DLG4: variants seen among roughly 807,000 people sequenced by gnomAD.
DLG4 encodes discs large MAGUK scaffold protein 4.
A neutral mutation model predicts 93.8 loss-of-function variants in DLG4; 7 were observed. The ratio of observed to expected loss-of-function variants is 0.07; its 90% CI spans 0.04 to 0.14. The LOEUF is 0.14. Ranked by LOEUF, DLG4 falls within the 10% of genes least tolerant of loss-of-function variation. The pLI is 1.00. For synonymous variants in DLG4, 341 were observed against 387.6 expected, an observed-to-expected ratio of 0.88 and a Z score of 1.41; for missense variants, 545 against 992.9, an observed-to-expected ratio of 0.55 and a Z score of 6.06.
At chr17:7,219,049 C>T (rs2071066459), upstream of DLG4, 1 of 634,130 alleles carries the variant, frequency 1.6e-6, no homozygotes, top group Non-Finnish European at 2.8e-6. Flanking sequence ...GCAGGCAGAA[C>T]CTAGCCACGC....
At position 7,196,907 on chromosome 17, in the gene DLG4, C is replaced by T. The variant is rs574062702; in HGVS notation, c.933G>A (p.Pro311=). 23 of 1,613,856 alleles carry T rather than the reference C, an allele frequency of 1.4e-5. No individual in the cohort carries two copies. The highest frequency in any genetic ancestry group is 4.5e-5 in the East Asian group (2 of 44,878). The change falls in exon 9 of 20, where the codon CCG becomes CCA. Residue 311 remains proline, a synonymous_variant. Transcript: ENST00000399506. The surrounding 1 kb of genome is among the most constrained non-coding windows in gnomAD (Gnocchi z 8.3). ...AGCCCCGGTGGATCACAATTCGCCT[C>T]GGTTCTCGGGGAATGTCTTCCTCCC... ...LLGEEDIPRE[P]RRIVIHRGST...
intron 8 of DLG4, among the ~76,000 whole-genome samples, chr17:7,199,290 C>T (rs1268605578): frequency 6.6e-6 from 1 of 151,938 alleles, no homozygotes; most frequent in Admixed American, 6.6e-5. Flanking sequence ...ACCTCTGCCT[C>T]CCAGGTTCAA....
upstream of DLG4, chr17:7,218,435 C>T (rs2071034783): frequency 7.2e-7 from 1 of 1,385,234 alleles, no homozygotes; most frequent in Non-Finnish European, 1.0e-6. Flanking sequence ...CAGGACCCTG[C>T]ATGGTGCTCC....
upstream of DLG4, chr17:7,218,520 C>G (rs370045627): frequency 1.7e-5 from 26 of 1,552,842 alleles, no homozygotes; most frequent in Middle Eastern, 1.7e-4. Context: ...GCCCAGGTCC[C>G]TCAGAAAACG....
At position 7,196,341 on chromosome 17, in the gene DLG4, A is replaced by T; in HGVS notation, c.1187-7T>A. The stretch of plus-strand genomic sequence containing the variant: ...GCCTCGAATCGGCTGTACTCTGAGG[A>T]AGGACAGGGAGGTTTCTGAGCTCTG... On this transcript the variant is annotated splice_polypyrimidine_tract_variant and splice_region_variant and intron_variant, in intron 10 of 19. Coordinates refer to ENST00000399506, the MANE Select transcript of DLG4 (RefSeq NM_001321075.3). The surrounding 1 kb of genome is among the most constrained non-coding windows in gnomAD (Gnocchi z 8.3). The T allele has an allele frequency of 6.2e-7, 1 of 1,613,772 alleles. No homozygotes were observed. The highest frequency in any genetic ancestry group is 8.5e-7 in the Non-Finnish European group (1 of 1,179,746).
intron 2 of DLG4, among the ~76,000 whole-genome samples, chr17:7,205,526 CCT>C (rs937985507): frequency 3.3e-5 from 5 of 152,144 alleles, no homozygotes; most frequent in Admixed American, 2.6e-4. Context: ...GGGTCCCTCC[CCT>C]CTCCTACTGC....
At chr17:7,210,268 G>A (rs1343612698) in intron 1 of DLG4, among the ~76,000 whole-genome samples, 2 of 152,178 alleles carry the variant, frequency 1.3e-5, no homozygotes, top group Non-Finnish European at 2.9e-5. Context: ...GTAAGAGAAT[G>A]GGAGAAGGGA....
Position 7,191,362 on chromosome 17 carries a change from T to C in DLG4, c.1977-4A>G. On this transcript the variant is annotated splice_polypyrimidine_tract_variant and splice_region_variant and intron_variant, in intron 18 of 19. Transcript: ENST00000399506. This position sits in a 1 kb window ranked among gnomAD's most constrained non-coding sequence, Gnocchi z 6.6. ...TGTGATCCGCTTGTTAATCTCTCTG[T>C]GAAGAGGGAGGGAGAGCAGGCCTGA... 6.2e-7 allele frequency: 1 copy of C among 1,613,566 alleles called. No individual in the cohort carries two copies. Among genetic ancestry groups the C allele is most frequent in the South Asian group, 1.1e-5 (1 of 91,072 alleles).
rs945303559 is a variant in DLG4, at chr17:7,195,610, A to C, written c.1301+610T>G. On this transcript the variant is annotated intron_variant, in intron 11 of 19. Transcript: ENST00000399506. This position sits in a 1 kb window ranked among gnomAD's most constrained non-coding sequence, Gnocchi z 4.3. ...AGTGCAGGTCTTGACCTCTGGAAAT[A>C]GGTCAGCCAGGGCCAGCACCTCCGA... Among the ~76,000 whole-genome samples, 3 of 152,156 alleles carry C rather than the reference A, an allele frequency of 2.0e-5. No individual in the cohort carries two copies. Among genetic ancestry groups the C allele is most frequent in the African/African-American group, 7.2e-5 (3 of 41,424 alleles).
chr17:7,204,413 ACACACGCACACGCGTGCACATG>A, intron 2 of DLG4, 161 bp from the exon 3 acceptor site: 1 of 647,700 alleles, frequency 1.5e-6, no homozygotes, highest in Non-Finnish European at 2.7e-6. Flanking sequence ...TCCACATCAC[ACACACGCACACGCGTGCACATG>A]CGCACGCGCA....
Position 7,193,564 on chromosome 17 carries a change from T to C in DLG4, c.1612A>G (p.Ile538Val), listed in dbSNP as rs375160490. Residue 538 changes from isoleucine (I) to valine (V), a missense_variant, in exon 16 of 20, where the codon ATC (isoleucine) becomes GTC (valine). Physicochemically the swap from Ile to Val is conservative, Grantham distance 29. Coordinates refer to ENST00000399506, the MANE Select transcript of DLG4 (RefSeq NM_001321075.3). This position sits in a 1 kb window ranked among gnomAD's most constrained non-coding sequence, Gnocchi z 6.7. ...CGGTCCTTGGTGGGCCCAAGGATGA[T>C]GATGGGGCGAGCATAGTGCACTGCA... is the stretch of plus-strand genomic sequence containing the variant. ...QMEVHYARPI[I>V]ILGPTKDRAN... 4 of 1,530,746 alleles carry C rather than the reference T, an allele frequency of 2.6e-6. No homozygotes were observed. Among genetic ancestry groups the C allele is most frequent in the Non-Finnish European group, 3.5e-6 (4 of 1,144,188 alleles). The allele number at this position is 1,530,746 out of a possible 1,614,324, so 94.8% of individuals were successfully genotyped here. A position where few individuals can be genotyped will look rare whatever the true frequency, so the allele number is the denominator to read the frequency against.
Position 7,194,484 on chromosome 17 carries a change from T to A in DLG4, c.1313A>T (p.Asp438Val), listed in dbSNP as rs779730425. 2 of 1,606,062 alleles carry A rather than the reference T, an allele frequency of 1.2e-6. No homozygotes were observed. Among genetic ancestry groups the A allele is most frequent in the Non-Finnish European group, 1.7e-6 (2 of 1,176,454 alleles). ...KRGFYIRALF[D>V]YDKTKDCGFL... ...GCCGCAGTCCTTGGTCTTGTCGTAA[T>A]CAAACAGGGCCCTGGAGGGCAAGTG... Residue 438 changes from aspartate to valine, a missense_variant, in exon 12 of 20, where the codon GAT (aspartate) becomes GTT (valine). By Grantham distance (152) the Asp-to-Val change is radical (BLOSUM62 -3). This residue lies in a region of DLG4 where 428 missense variants were observed against 741.4 expected (regional missense o/e 0.58). Coordinates refer to ENST00000399506, the MANE Select transcript of DLG4 (RefSeq NM_001321075.3). This position sits in a 1 kb window ranked among gnomAD's most constrained non-coding sequence, Gnocchi z 4.4.
chr17:7,218,498 T>C (rs1219407977), upstream of DLG4: 2 of 1,536,602 alleles, frequency 1.3e-6, no homozygotes, highest in Admixed American at 2.0e-5. Flanking sequence ...AGTTCAGTAA[T>C]GGCCCTTGGA....
chr17:7,203,266 T>C lies in DLG4; in HGVS notation c.569A>G (p.Tyr190Cys), dbSNP rs2070253586. The change falls in exon 7 of 20, where the codon TAT (tyrosine) becomes TGT (cysteine). Residue 190 changes from tyrosine (Y) to cysteine (C), a missense_variant. Around this residue, in one of 5 missense-constraint regions of DLG4, gnomAD observed 428 missense variants for 741.4 expected, o/e 0.58. Coordinates refer to ENST00000399506, the MANE Select transcript of DLG4 (RefSeq NM_001321075.3). The surrounding 1 kb of genome is among the most constrained non-coding windows in gnomAD (Gnocchi z 7.2). ...ACCCCCTTCGATGATCTTTGTTACA[T>C]AGATGCTATTATCTCCTGGGATGTG... The part of the protein sequence containing the change: ...NQHIPGDNSI[Y>C]VTKIIEGGAA... 1.9e-6 allele frequency: 3 copies of C among 1,610,996 alleles called. No individual in the cohort carries two copies. The highest frequency in any genetic ancestry group is 1.7e-6 in the Non-Finnish European group (2 of 1,177,526).
Position 7,196,763 on chromosome 17 carries a change from G to A in DLG4, c.1077C>T (p.Ile359=). 1 of 1,605,678 alleles carries A rather than the reference G, an allele frequency of 6.2e-7. No homozygotes were observed. The highest frequency in any genetic ancestry group is 1.1e-5 in the South Asian group (1 of 89,906). ...LSGELRKGDQ[I]LSVNGVDLRN... ...GGGGCAGGCCTTCCCTCACCGACAGGATCTGGTCCCCCTTCCGCAGCTCCC... is the reference window on the plus strand; with the variant it reads ...GGGGCAGGCCTTCCCTCACCGACAGAATCTGGTCCCCCTTCCGCAGCTCCC... The change falls in exon 9 of 20, where the codon ATC becomes ATT. Residue 359 remains isoleucine, a synonymous_variant. Transcript: ENST00000399506. This position sits in a 1 kb window ranked among gnomAD's most constrained non-coding sequence, Gnocchi z 8.3.
rs1040811385 is a variant in DLG4, at chr17:7,196,037, G to A, written c.1301+183C>T. ...TTGGGGCAGAGGCTATTTTCCCATC[G>A]ACAGGGAGTATTTCAAATGTTAACC... On this transcript the variant is annotated intron_variant, in intron 11 of 19. Transcript: ENST00000399506. The surrounding 1 kb of genome is among the most constrained non-coding windows in gnomAD (Gnocchi z 8.3). Among the ~76,000 whole-genome samples, 5 of 151,856 alleles carry A rather than the reference G, an allele frequency of 3.3e-5. No individual in the cohort carries two copies. The highest frequency in any genetic ancestry group is 4.8e-5 in the African/African-American group (2 of 41,412).
chr17:7,190,912 C>T (rs2069455775), intron 19 of DLG4, 98 bp from the exon 20 acceptor site: 2 of 914,582 alleles, frequency 2.2e-6, no homozygotes, highest in East Asian at 5.2e-5. Context: ...CACCTCTTTC[C>T]AACTCTCCAA....
rs1177439539 is a variant in DLG4, at chr17:7,204,003, C to T, written c.210+5G>A. 1 of 1,611,018 alleles carries T rather than the reference C, an allele frequency of 6.2e-7. No homozygotes were observed. Among genetic ancestry groups the T allele is most frequent in the African/African-American group, 1.3e-5 (1 of 74,844 alleles). On this transcript the variant is annotated splice_donor_5th_base_variant and intron_variant, in intron 4 of 19. Coordinates refer to ENST00000399506, the MANE Select transcript of DLG4 (RefSeq NM_001321075.3). ...CGGGGACTGCCGATGGAGGAGCCTG[C>T]TCACCCTTTCCAATGTGATTTCCTC...
At chr17:7,219,586 C>A, upstream of DLG4, 2 of 1,136,500 alleles carry the variant, frequency 1.8e-6, no homozygotes, top group Non-Finnish European at 2.2e-6. Context: ...CCTCTGCCAT[C>A]TACCTTACAC....
Sources: allele counts gnomAD v4.1 joint callset (sites outside exome capture counted in the v4.1 genomes callset), GRCh38; gene constraint gnomAD v4.1.1; regional missense constraint gnomAD v4.1.1; non-coding constraint Gnocchi (gnomAD v3.1); transcripts MANE v1.5; gene names NCBI Gene and HGNC (gene_info 2026-07-23, HGNC 2026-07-21).